NT5DC1: variants seen among roughly 807,000 people sequenced by gnomAD.
NT5DC1 encodes 5'-nucleotidase domain-containing protein 1.
In NT5DC1, 42 loss-of-function variants were observed where a neutral mutation model predicts 59.4. The observed-to-expected ratio is 0.71, with a 90% CI of 0.55 to 0.92. The LOEUF (loss-of-function observed/expected upper bound fraction) is 0.92. Ranked by LOEUF, NT5DC1 falls within the 40% of genes least tolerant of loss-of-function variation. The pLI is 0.00. For synonymous variants in NT5DC1, 172 were observed against 188.1 expected, an observed-to-expected ratio of 0.91 and a Z score of 0.70; for missense variants, 501 against 537.1, an observed-to-expected ratio of 0.93 and a Z score of 0.66.
At chr6:116,213,026 T>C (rs1781610261) in intron 6 of NT5DC1, among the ~76,000 whole-genome samples, 1 of 152,180 alleles carries the variant, frequency 6.6e-6, no homozygotes. Context: ...GATTTGTGAA[T>C]ATTTTATCTT....
intron 6 of NT5DC1, among the ~76,000 whole-genome samples, chr6:116,202,791 T>G (rs1378186010): frequency 2.0e-5 from 3 of 152,008 alleles, no homozygotes; most frequent in Admixed American, 1.3e-4. Flanking sequence ...ATTGTTAACT[T>G]GAGCAAGTAA....
Position 116,120,831 on chromosome 6 carries a change from C to T in NT5DC1, c.529+2886C>T, listed in dbSNP as rs781272026. 1.4e-5 allele frequency: 23 copies of T among 1,613,890 alleles called. No individual in the cohort carries two copies. The South Asian group carries it at 2.5e-4, about 18-fold the overall frequency. On this transcript the variant is annotated intron_variant, in intron 6 of 11. Transcript: ENST00000319550. Reference sequence around the variant, plus strand: ...CCATTGTGTCCGGGCATTCCCTTTGCTCCTGCTGGGCCCACAGGGCCTGGG... The same window carrying T: ...CCATTGTGTCCGGGCATTCCCTTTGTTCCTGCTGGGCCCACAGGGCCTGGG...
chr6:116,118,310 G>C (rs1271739643), intron 6 of NT5DC1, among the ~76,000 whole-genome samples: 1 of 152,150 alleles, frequency 6.6e-6, no homozygotes, highest in Non-Finnish European at 1.5e-5. Context: ...CAAAATGTCT[G>C]CCGGCAGAAA....
intron 6 of NT5DC1, among the ~76,000 whole-genome samples, chr6:116,154,382 A>C (rs916160158): frequency 2.0e-5 from 3 of 152,134 alleles, no homozygotes; most frequent in African/African-American, 7.2e-5. Context: ...GTTTCCCCTC[A>C]GAAGGAGACA....
At chr6:116,119,370 A>C (rs1779037058) in intron 6 of NT5DC1, 1 of 152,436 alleles carries the variant, frequency 6.6e-6, no homozygotes, top group South Asian at 2.1e-4. Flanking sequence ...CTGGGTATAT[A>C]AAAAGCTTCT....
intron 9 of NT5DC1, among the ~76,000 whole-genome samples, 155 bp downstream of exon 9, chr6:116,237,239 T>G (rs1462750620): frequency 6.6e-6 from 1 of 152,142 alleles, no homozygotes; most frequent in Non-Finnish European, 1.5e-5. Flanking sequence ...GAGCAAGGAT[T>G]CCAAGCAGGG....
intron 9 of NT5DC1, chr6:116,237,381 A>G (rs1488257455): frequency 1.9e-6 from 1 of 523,328 alleles, no homozygotes; most frequent in Non-Finnish European, 3.7e-6. Context: ...TTAAAGATAC[A>G]CTTGTTTTTG....
At chr6:116,123,298 T>C (rs1779191339) in intron 6 of NT5DC1, among the ~76,000 whole-genome samples, 1 of 152,240 alleles carries the variant, frequency 6.6e-6, no homozygotes, top group South Asian at 2.1e-4. Flanking sequence ...GTTGTCCTAA[T>C]GGGTCTCAAC....
At chr6:116,202,360 A>C (rs1447044267) in intron 6 of NT5DC1, among the ~76,000 whole-genome samples, 1 of 152,026 alleles carries the variant, frequency 6.6e-6, no homozygotes, top group East Asian at 1.9e-4. Flanking sequence ...TTAAATCTAA[A>C]GCTGTAAGTT....
intron 6 of NT5DC1, among the ~76,000 whole-genome samples, chr6:116,153,448 A>T (rs541939722): frequency 6.6e-6 from 1 of 152,106 alleles, no homozygotes; most frequent in African/African-American, 2.4e-5. Flanking sequence ...TAGAGTCTCT[A>T]TTCCACTGGA....
chr6:116,154,886 A>G (rs1472073542), intron 6 of NT5DC1, among the ~76,000 whole-genome samples: 2 of 152,202 alleles, frequency 1.3e-5, no homozygotes, highest in Non-Finnish European at 2.9e-5. Context: ...TTGTTTTAAT[A>G]TCATTTTTCT....
intron 6 of NT5DC1, among the ~76,000 whole-genome samples, chr6:116,209,435 T>A (rs1274022637): frequency 2.0e-5 from 3 of 151,990 alleles, no homozygotes; most frequent in African/African-American, 7.2e-5. Context: ...TAAACATGAA[T>A]GTTAAGATGG....
intron 6 of NT5DC1, among the ~76,000 whole-genome samples, chr6:116,201,599 A>G (rs1315929677): frequency 6.6e-6 from 1 of 152,006 alleles, no homozygotes; most frequent in Non-Finnish European, 1.5e-5. Context: ...TGGTTAATAT[A>G]AAGATAATAG....
intron 7 of NT5DC1, among the ~76,000 whole-genome samples, chr6:116,221,602 C>G (rs751127085): frequency 7.2e-5 from 11 of 152,176 alleles, no homozygotes; most frequent in African/African-American, 7.2e-5. Context: ...AGTACAGCCA[C>G]TCTTTAGTCA....
chr6:116,171,541 A>G (rs2114452256), intron 6 of NT5DC1, among the ~76,000 whole-genome samples: 1 of 152,342 alleles, frequency 6.6e-6, no homozygotes, highest in Non-Finnish European at 1.5e-5. Flanking sequence ...ATGTCATATA[A>G]CTTGAGAGCC....
chr6:116,103,273 A>G (rs1250541970), intron 1 of NT5DC1, among the ~76,000 whole-genome samples: 4 of 152,080 alleles, frequency 2.6e-5, no homozygotes, highest in African/African-American at 7.2e-5. Context: ...TGCTGCTTAT[A>G]TGAATGGATT....
At chr6:116,176,203 A>G (rs1780731569) in intron 6 of NT5DC1, among the ~76,000 whole-genome samples, 1 of 152,270 alleles carries the variant, frequency 6.6e-6, no homozygotes, top group South Asian at 2.1e-4. Flanking sequence ...CCTAGTGCTT[A>G]GGGATGCTGT....
intron 2 of NT5DC1, among the ~76,000 whole-genome samples, chr6:116,107,270 T>G (rs993153271): frequency 6.7e-6 from 1 of 149,216 alleles, no homozygotes; most frequent in African/African-American, 2.5e-5. Flanking sequence ...TAGTCTTTTT[T>G]GATGTAACAT....
At chr6:116,144,416 T>C (rs1779844358) in intron 6 of NT5DC1, among the ~76,000 whole-genome samples, 1 of 151,258 alleles carries the variant, frequency 6.6e-6, no homozygotes. Flanking sequence ...CAGGGGAATC[T>C]CTTGAACCCA....
Sources: allele counts gnomAD v4.1 joint callset (sites outside exome capture counted in the v4.1 genomes callset), GRCh38; gene constraint gnomAD v4.1.1; transcripts MANE v1.5; gene names NCBI Gene and HGNC (gene_info 2026-07-23, HGNC 2026-07-21).